Variants in TLE5 observed in about 807,000 individuals in gnomAD.
TLE5 encodes TLE family member 5, transcriptional modulator.
TLE5 carries 7 observed loss-of-function variants against 25.8 expected under a neutral mutation model. That is an observed-to-expected ratio of 0.27 (90% confidence interval 0.15 to 0.51). The LOEUF is 0.51. Ranked by LOEUF, TLE5 falls within the 20% of genes least tolerant of loss-of-function variation. The probability of loss-of-function intolerance (pLI) is 0.97; values close to 1 mark genes in which losing one functional copy is unlikely to be tolerated. For missense variants in TLE5, 149 were observed against 250.7 expected (o/e 0.59, Z 2.74); for synonymous variants, 132 against 110.5 (o/e 1.20, Z -1.22).
At chr19:3,054,287 TACCAAGTGGGCCATCA>T (rs2145254421) in intron 5 of TLE5, 93 bp from the exon 6 acceptor site, 1 of 1,246,138 alleles carries the variant, frequency 8.0e-7, no homozygotes, top group Non-Finnish European at 1.1e-6. Flanking sequence ...GGAGCCCCAC[TACCAAGTGGGCCATCA>T]TGTCTGCTCC....
At chr19:3,056,255 G>A (rs1284642019) in intron 4 of TLE5, 57 bp downstream of exon 4, 2 of 1,284,380 alleles carry the variant, frequency 1.6e-6, no homozygotes, top group East Asian at 2.7e-5. Flanking sequence ...GGGGCTGGAG[G>A]TGGGGGGAGG....
chr19:3,061,114 G>A, intron 2 of TLE5, 46 bp downstream of exon 2: 2 of 1,421,442 alleles, frequency 1.4e-6, no homozygotes, highest in South Asian at 2.3e-5. Flanking sequence ...AGAAATGGGG[G>A]GACTCACATT....
chr19:3,056,281 G>GAGGAGC, intron 4 of TLE5, 31 bp downstream of exon 4: 3 of 1,468,390 alleles, frequency 2.0e-6, no homozygotes, highest in Non-Finnish European at 2.7e-6. Flanking sequence ...GAAGGAGGAG[G>GAGGAGC]AGGAGGAGGA....
At chr19:3,061,887 G>GA (rs1491588860) in intron 1 of TLE5, among the ~76,000 whole-genome samples, 577 of 3,088 alleles carry the variant, frequency 0.19, 9 homozygotes, top group Middle Eastern at 0.33. Context: ...CCGGCGGGTT[G>GA]GGGGGGGGGG....
Position 3,061,162 on chromosome 19 carries a change from G to A in TLE5, c.123C>T (p.His41=), listed in dbSNP as rs2090262998. 6.2e-7 allele frequency: 1 copy of A among 1,610,838 alleles called. No individual in the cohort carries two copies. Among genetic ancestry groups the A allele is most frequent in the African/African-American group, 1.3e-5 (1 of 74,966 alleles). Residue 41 remains histidine, a splice_region_variant and synonymous_variant, in exon 2 of 7, where the codon CAC becomes CAT. Transcript: ENST00000327141. The stretch of plus-strand genomic sequence containing the variant: ...GGACCCCCAGTCCCCCAGCTCACCT[G>A]TGGTACTGAGCTTGCAGTAGCTGAA... ...DEFQLLQAQY[H]SLKLECDKLA...
At chr19:3,061,299 T>C in intron 1 of TLE5, 42 bp from the exon 2 acceptor site, 1 of 1,516,900 alleles carries the variant, frequency 6.6e-7, no homozygotes, top group Non-Finnish European at 9.1e-7. Context: ...AGGCGTGGGC[T>C]GGACCCCCCT....
chr19:3,061,237 C>T lies in TLE5; in HGVS notation c.48G>A (p.Gln16=). The change falls in exon 2 of 7, where the codon CAG becomes CAA. Residue 16 remains glutamine (Q), a synonymous_variant. Transcript: ENST00000327141. ...AGTCCGAGGTGGTGAATTTGAGTTG[C>T]TGGGGTAGGTGCGAGGAGCCCTGTA... ...SRHSGSSHLP[Q]QLKFTTSDSC... The T allele has an allele frequency of 6.2e-7, 1 of 1,613,630 alleles. No homozygotes were observed. The highest frequency in any genetic ancestry group is 1.3e-5 in the African/African-American group (1 of 75,040).
chr19:3,058,053 G>A (rs1455692440), intron 2 of TLE5, among the ~76,000 whole-genome samples: 4 of 151,764 alleles, frequency 2.6e-5, no homozygotes, highest in African/African-American at 9.7e-5. Context: ...CATAGGGGCT[G>A]AGGACATTGA....
At position 3,053,369 on chromosome 19, in the gene TLE5, G is replaced by A. The variant is rs150664607; in HGVS notation, c.*450C>T. The A allele has an allele frequency of 4.8e-3, 804 of 167,242 alleles. 6 individuals are homozygous for A. Among genetic ancestry groups the A allele is most frequent in the African/African-American group, 0.018 (769 of 41,824 alleles). The allele number at this position is 167,242 out of a possible 1,614,324, so 10.4% of individuals were successfully genotyped here. A position where few individuals can be genotyped will look rare whatever the true frequency, so the allele number is the denominator to read the frequency against. ...GGGAGCATACCTGGGACCCGGGGTCGGGGGAGACTCGGGGTGCCCAGGACG... is the reference window on the plus strand; with the variant it reads ...GGGAGCATACCTGGGACCCGGGGTCAGGGGAGACTCGGGGTGCCCAGGACG... On this transcript the variant is annotated 3_prime_UTR_variant, in exon 7 of 7. Coordinates refer to ENST00000327141, the MANE Select transcript of TLE5 (RefSeq NM_001130.6).
rs544967834 is a variant in TLE5 at position 3,061,423 on chromosome 19, C to G, written c.28-166G>C. 9.3e-5 allele frequency: 42 copies of G among 452,332 alleles called. No homozygotes were observed. In the Middle Eastern group the frequency reaches 1.9e-3, roughly 21 times the overall value. 28.0% of individuals were successfully genotyped at this position (452,332 alleles called of 1,614,324 possible). On this transcript the variant is annotated intron_variant, in intron 1 of 6. Coordinates refer to ENST00000327141, the MANE Select transcript of TLE5 (RefSeq NM_001130.6). ...CGACCCCACCCGCGCTTCCTGCCCC[C>G]CGCCTCTCCCGGGGGAAGCCGAGCG...
At chr19:3,056,042 AGGGCTGGGGGCCGT>A (rs1364423906) in intron 4 of TLE5, 30 of 500,718 alleles carry the variant, frequency 6.0e-5, no homozygotes, top group African/African-American at 3.1e-4. Context: ...GAATGTAGGG[AGGGCTGGGGGCCGT>A]AGGCTGTGGG....
intron 4 of TLE5, 189 bp downstream of exon 4, chr19:3,056,123 A>AGAGGC: frequency 2.1e-6 from 1 of 472,902 alleles, no homozygotes. Flanking sequence ...GGCCTGAAAA[A>AGAGGC]GAGGCGGGGC....
intron 3 of TLE5, chr19:3,056,680 A>C (rs1468275017): frequency 1.9e-6 from 1 of 535,728 alleles, no homozygotes; most frequent in East Asian, 4.6e-5. Flanking sequence ...CAGGGCTCCT[A>C]ATCTTGTATC....
In TLE5 at chr19:3,062,367, G is replaced by C. The variant is rs1255536858; in HGVS notation, c.-167C>G. 90 of 953,522 alleles carry C rather than the reference G, an allele frequency of 9.4e-5. No homozygotes were observed. The highest frequency in any genetic ancestry group is 1.1e-4 in the Non-Finnish European group (87 of 808,664). 59.1% of individuals were successfully genotyped at this position (953,522 alleles called of 1,614,324 possible). On this transcript the variant is annotated 5_prime_UTR_variant, in exon 1 of 7. Coordinates refer to ENST00000327141, the MANE Select transcript of TLE5 (RefSeq NM_001130.6). ...CCCGCTTCCTGCGCCCCCTCCCCGC[G>C]CGCCCGGCCCCGGCGCGCCCCGGGC... is the stretch of plus-strand genomic sequence containing the variant.
chr19:3,062,146 G>A, intron 1 of TLE5, 28 bp downstream of exon 1: 1 of 1,144,802 alleles, frequency 8.7e-7, no homozygotes. Flanking sequence ...TCCGGGGTGG[G>A]GGCGCCGGCC....
At chr19:3,057,370 G>A (rs2090228297) in intron 3 of TLE5, 1 of 409,752 alleles carries the variant, frequency 2.4e-6, no homozygotes, top group African/African-American at 2.0e-5. Context: ...GTCAGTTCCT[G>A]GCTGTTGGCT....
Position 3,057,754 on chromosome 19 carries a change from C to G in TLE5, c.126-12G>C. On this transcript the variant is annotated splice_polypyrimidine_tract_variant and intron_variant, in intron 2 of 6. Coordinates refer to ENST00000327141, the MANE Select transcript of TLE5 (RefSeq NM_001130.6). The stretch of plus-strand genomic sequence containing the variant: ...ATTCGAGCTTGAGGCTGAGGAGGCA[C>G]AGGGGGGAGATGGGGTGGTTAGTGG... 1 of 1,613,390 alleles carries G rather than the reference C, an allele frequency of 6.2e-7. No individual in the cohort carries two copies. Among genetic ancestry groups the G allele is most frequent in the South Asian group, 1.1e-5 (1 of 91,074 alleles).
In TLE5 at chr19:3,062,207, C is replaced by T; in HGVS notation, c.-7G>A. The T allele has an allele frequency of 8.8e-7, 1 of 1,132,088 alleles. No individual in the cohort carries two copies. Among genetic ancestry groups the T allele is most frequent in the Non-Finnish European group, 1.1e-6 (1 of 923,006 alleles). 70.1% of individuals were successfully genotyped at this position (1,132,088 alleles called of 1,614,324 possible). A position where few individuals can be genotyped will look rare whatever the true frequency, so the allele number is the denominator to read the frequency against. ...TGCTTTGTGGAAACATCATGTCAAT[C>T]GCGGCGGGGGGCGCGGGCTGCGCCC... is the stretch of plus-strand genomic sequence containing the variant. On this transcript the variant is annotated 5_prime_UTR_variant, in exon 1 of 7. Coordinates refer to ENST00000327141, the MANE Select transcript of TLE5 (RefSeq NM_001130.6).
rs2145269586 is a variant in TLE5 at position 3,062,430 on chromosome 19, C to T, written c.-230G>A. On this transcript the variant is annotated 5_prime_UTR_variant, in exon 1 of 7. Coordinates refer to ENST00000327141, the MANE Select transcript of TLE5 (RefSeq NM_001130.6). ...GCGCCCGGCGCCCCTCCCCGCCCCT[C>T]CCCGCCGCCCGCCTCCCCGCTCCCC... is the stretch of plus-strand genomic sequence containing the variant. 1.4e-6 allele frequency: 1 copy of T among 739,862 alleles called. No homozygotes were observed. Among genetic ancestry groups the T allele is most frequent in the South Asian group, 5.9e-5 (1 of 17,094 alleles). 45.8% of individuals were successfully genotyped at this position (739,862 alleles called of 1,614,324 possible).
Sources: gnomAD v4.1 joint callset for allele counts (sites outside exome capture counted in the v4.1 genomes callset) on GRCh38, gnomAD v4.1.1 for gene constraint, MANE v1.5 for transcripts, NCBI Gene and HGNC (gene_info 2026-07-23, HGNC 2026-07-21) for gene names.